Variants in DYNC2H1 observed in about 807,000 individuals in gnomAD.
DYNC2H1 encodes cytoplasmic dynein 2 heavy chain 1.
A neutral mutation model predicts 570.0 loss-of-function variants in DYNC2H1; 410 were observed. The observed-to-expected ratio is 0.72, with a 90% CI of 0.66 to 0.78. The LOEUF (loss-of-function observed/expected upper bound fraction) is 0.78. Among genes scored for constraint, DYNC2H1 ranks in the 30% least tolerant of loss-of-function variants. DYNC2H1 has a pLI of 0.00. For missense variants in DYNC2H1, 4,865 were observed against 5,046.4 expected (o/e 0.96, Z 1.09); for synonymous variants, 1,688 against 1,677.6 (o/e 1.01, Z -0.15).
rs1221780292 is a variant in DYNC2H1 at position 103,157,058 on chromosome 11, T to C, written c.4127+288T>C. ...TTCAAAAGGCATTTTCAATTTTTATTTTACTTTATCTCTCATTAGTATTTA... is the reference window on the plus strand; with the variant it reads ...TTCAAAAGGCATTTTCAATTTTTATCTTACTTTATCTCTCATTAGTATTTA... On this transcript the variant is annotated intron_variant, in intron 26 of 88. Coordinates refer to ENST00000375735, the MANE Select transcript of DYNC2H1 (RefSeq NM_001377.3). The surrounding 1 kb of genome is among the most constrained non-coding windows in gnomAD (Gnocchi z 4.2). 6.6e-6 allele frequency among the ~76,000 whole-genome samples: 1 copy of C among 152,188 alleles called. No individual in the cohort carries two copies. Among genetic ancestry groups the C allele is most frequent in the African/African-American group, 2.4e-5 (1 of 41,450 alleles).
At chr11:103,216,495 G>A (rs140898583) in intron 55 of DYNC2H1, among the ~76,000 whole-genome samples, 5 of 152,124 alleles carry the variant, frequency 3.3e-5, no homozygotes, top group Admixed American at 3.3e-4. Context: ...ATTAGCTTCA[G>A]ACTTGCTCAA....
intron 84 of DYNC2H1, among the ~76,000 whole-genome samples, chr11:103,418,939 G>A (rs1378105425): frequency 5.3e-5 from 8 of 152,202 alleles, no homozygotes; most frequent in African/African-American, 1.9e-4. Flanking sequence ...CACAGGCCCA[G>A]GAGTTTTACA....
intron 59 of DYNC2H1, among the ~76,000 whole-genome samples, chr11:103,224,912 A>G (rs187751567): frequency 6.6e-6 from 1 of 152,106 alleles, no homozygotes; most frequent in South Asian, 2.1e-4. Context: ...GCCAACATCT[A>G]TACTTTTTTA....
chr11:103,207,699 A>C (rs1399926887), intron 52 of DYNC2H1, among the ~76,000 whole-genome samples: 1 of 152,072 alleles, frequency 6.6e-6, no homozygotes, highest in Admixed American at 6.6e-5. Flanking sequence ...ACTTGAGGTT[A>C]GTGATCATGG....
intron 84 of DYNC2H1, among the ~76,000 whole-genome samples, chr11:103,426,163 G>C (rs1306619162): frequency 6.6e-6 from 1 of 152,158 alleles, no homozygotes; most frequent in Non-Finnish European, 1.5e-5. Context: ...CTATCCCTTT[G>C]TTTTGGCCCA....
intron 75 of DYNC2H1, among the ~76,000 whole-genome samples, chr11:103,288,337 A>C (rs1183578728): frequency 6.6e-6 from 1 of 152,130 alleles, no homozygotes; most frequent in African/African-American, 2.4e-5. Context: ...TATGACAGTG[A>C]AAGAGCTCAG....
rs1293352122 is a variant in DYNC2H1, at chr11:103,275,244, T to TC, written c.10696-5101dup. ...AAATTAAGCAGAAAGTATAGAGATT[T>TC]CCCATACATTCCTTGCCTCCACATA... On this transcript the variant is annotated intron_variant, in intron 70 of 88. Transcript: ENST00000375735. The surrounding 1 kb of genome is among the most constrained non-coding windows in gnomAD (Gnocchi z 4.8). 6.6e-6 allele frequency among the ~76,000 whole-genome samples: 1 copy of TC among 152,302 alleles called. No homozygotes were observed. The highest frequency in any genetic ancestry group is 3.4e-3 in the Middle Eastern group (1 of 292).
intron 54 of DYNC2H1, among the ~76,000 whole-genome samples, chr11:103,213,571 G>A (rs1863243892): frequency 6.6e-6 from 1 of 151,654 alleles, no homozygotes; most frequent in Non-Finnish European, 1.5e-5. Context: ...ATGATCAAAG[G>A]GTGATTAGTG....
In DYNC2H1 at chr11:103,341,017, T is replaced by A. The variant is rs546000247; in HGVS notation, c.12039+17027T>A. On this transcript the variant is annotated intron_variant, in intron 82 of 88. Coordinates refer to ENST00000375735, the MANE Select transcript of DYNC2H1 (RefSeq NM_001377.3). ...AAAATCAATGAGGAACACAAAGCTGTAACATGATTGGTGGAACCTTTTTTT... is the reference window on the plus strand; with the variant it reads ...AAAATCAATGAGGAACACAAAGCTGAAACATGATTGGTGGAACCTTTTTTT... Among the ~76,000 whole-genome samples, 53 of 152,204 alleles carry A rather than the reference T, an allele frequency of 3.5e-4. No homozygotes were observed. In the South Asian group the frequency reaches 8.5e-3, roughly 24 times the overall value.
intron 88 of DYNC2H1, among the ~76,000 whole-genome samples, chr11:103,474,852 A>C (rs1945504878): frequency 6.6e-6 from 1 of 152,160 alleles, no homozygotes; most frequent in Non-Finnish European, 1.5e-5. Flanking sequence ...TGTATTCCCC[A>C]TGAATAAGAG....
intron 70 of DYNC2H1, among the ~76,000 whole-genome samples, chr11:103,272,735 A>G (rs1221052346): frequency 6.6e-6 from 1 of 152,158 alleles, no homozygotes; most frequent in African/African-American, 2.4e-5. Flanking sequence ...TGTCATATTA[A>G]TCCTGATCTA....
chr11:103,334,242 T>C lies in DYNC2H1; in HGVS notation c.12039+10252T>C, dbSNP rs932736850. 1.5e-4 allele frequency among the ~76,000 whole-genome samples: 23 copies of C among 152,304 alleles called. No homozygotes were observed. The highest frequency in any genetic ancestry group is 5.5e-4 in the African/African-American group (23 of 41,578). On this transcript the variant is annotated intron_variant, in intron 82 of 88. Transcript: ENST00000375735. This position sits in a 1 kb window ranked among gnomAD's most constrained non-coding sequence, Gnocchi z 4.3. The stretch of plus-strand genomic sequence containing the variant: ...AAACACAATAATCTATTCTAGTCTC[T>C]TCACCAGGTAGCTGTGTGACTAGTA...
chr11:103,132,649 G>GGTGT (rs5794209), intron 13 of DYNC2H1, among the ~76,000 whole-genome samples: 10 of 148,506 alleles, frequency 6.7e-5, no homozygotes, highest in African/African-American at 2.5e-4. Flanking sequence ...GAGGGTTGGG[G>GGTGT]GTGTGTGTGT....
At chr11:103,178,134 AG>A (rs1271387413) in intron 38 of DYNC2H1, among the ~76,000 whole-genome samples, 1 of 152,176 alleles carries the variant, frequency 6.6e-6, no homozygotes, top group Non-Finnish European at 1.5e-5. Flanking sequence ...GAAATAAACA[AG>A]ATGACAGATT....
chr11:103,290,013 A>G (rs1866528907), intron 75 of DYNC2H1, among the ~76,000 whole-genome samples: 1 of 151,934 alleles, frequency 6.6e-6, no homozygotes, highest in Admixed American at 6.6e-5. Context: ...CAACCACGAG[A>G]ACCTAGGAAG....
intron 83 of DYNC2H1, among the ~76,000 whole-genome samples, chr11:103,375,170 C>A (rs528350586): frequency 6.6e-6 from 1 of 152,194 alleles, no homozygotes; most frequent in Non-Finnish European, 1.5e-5. Context: ...TTGGCAACTT[C>A]CACATGGTGT....
intron 39 of DYNC2H1, 41 bp downstream of exon 39, chr11:103,179,274 C>G (rs771464256): frequency 6.4e-7 from 1 of 1,554,532 alleles, no homozygotes; most frequent in South Asian, 1.2e-5. Context: ...TTAGAATATT[C>G]TTTTACTGTC....
chr11:103,394,500 C>A (rs1021000542), intron 83 of DYNC2H1, among the ~76,000 whole-genome samples: 1 of 151,872 alleles, frequency 6.6e-6, no homozygotes, highest in Non-Finnish European at 1.5e-5. Flanking sequence ...GAAATTTGAG[C>A]ATCCATAGAT....
At chr11:103,309,666 T>C (rs768942051) in intron 78 of DYNC2H1, among the ~76,000 whole-genome samples, 1 of 152,170 alleles carries the variant, frequency 6.6e-6, no homozygotes, top group Non-Finnish European at 1.5e-5. Context: ...TCCCAGAATC[T>C]TCTCCAGCTA....
Sources: gnomAD v4.1 joint callset for allele counts (sites outside exome capture counted in the v4.1 genomes callset) on GRCh38, gnomAD v4.1.1 for gene constraint, Gnocchi (gnomAD v3.1) non-coding constraint, MANE v1.5 for transcripts, NCBI Gene and HGNC (gene_info 2026-07-23, HGNC 2026-07-21) for gene names.